The following FRY variants were observed in gnomAD, a reference collection of about 807,000 sequenced individuals.
FRY encodes the protein FRY microtubule binding protein, also known as protein furry homolog.
A neutral mutation model predicts 348.4 loss-of-function variants in FRY; 128 were observed. The ratio of observed to expected loss-of-function variants is 0.37; its 90% CI spans 0.32 to 0.43. The LOEUF (loss-of-function observed/expected upper bound fraction) is 0.43, where lower values mean the gene tolerates loss of function less well. Ranked by LOEUF, FRY falls within the 20% of genes least tolerant of loss-of-function variation. FRY has a pLI of 1.00. For missense variants in FRY, 2,736 were observed against 3,695.2 expected, an observed-to-expected ratio of 0.74 and a Z score of 6.73; for synonymous variants, 1,370 against 1,374.7, an observed-to-expected ratio of 1.00 and a Z score of 0.08.
At chr13:32,155,006 C>A (rs1881026456) in intron 14 of FRY, among the ~76,000 whole-genome samples, 1 of 152,166 alleles carries the variant, frequency 6.6e-6, no homozygotes, top group Non-Finnish European at 1.5e-5. Flanking sequence ...AACTTGCTGG[C>A]CTTTGTAAAT....
chr13:32,137,282 A>T (rs1047832603), intron 11 of FRY, among the ~76,000 whole-genome samples: 36 of 152,232 alleles, frequency 2.4e-4, no homozygotes, highest in African/African-American at 8.7e-4. Flanking sequence ...ATTTAAAAAT[A>T]GAATAAGGGC....
chr13:32,116,053 C>T (rs1485351989), intron 3 of FRY, among the ~76,000 whole-genome samples: 1 of 152,042 alleles, frequency 6.6e-6, no homozygotes, highest in Non-Finnish European at 1.5e-5. Context: ...TCTTATTAAG[C>T]ATTTACATGT....
intron 11 of FRY, among the ~76,000 whole-genome samples, chr13:32,141,011 A>G (rs1434128943): frequency 6.6e-6 from 1 of 152,152 alleles, no homozygotes; most frequent in African/African-American, 2.4e-5. Flanking sequence ...TTAATTATTA[A>G]TTTTCAAGAT....
At chr13:32,127,719 T>C (rs1388525716) in intron 7 of FRY, among the ~76,000 whole-genome samples, 5 of 151,848 alleles carry the variant, frequency 3.3e-5, no homozygotes, top group African/African-American at 9.7e-5. Context: ...GCGGAGGTTG[T>C]AGTGAGCCGA....
At chr13:32,109,995 T>A (rs1008144258) in intron 3 of FRY, among the ~76,000 whole-genome samples, 1 of 152,274 alleles carries the variant, frequency 6.6e-6, no homozygotes, top group Admixed American at 6.5e-5. Flanking sequence ...CAGCAGCTGA[T>A]GCAGGGACAT....
intron 1 of FRY, among the ~76,000 whole-genome samples, chr13:32,076,651 T>A (rs1319912598): frequency 6.6e-6 from 1 of 152,210 alleles, no homozygotes; most frequent in East Asian, 1.9e-4. Flanking sequence ...CTTATGTAGT[T>A]CCTATTCCCA....
In FRY at chr13:32,202,180, G is replaced by A. The variant is rs1171934869; in HGVS notation, c.3846+140G>A. The A allele has an allele frequency of 3.7e-6, 3 of 804,622 alleles. No homozygotes were observed. The Admixed American group carries it at 5.8e-5, about 15-fold the overall frequency. The allele number at this position is 804,622 out of a possible 1,614,324, so 49.8% of individuals were successfully genotyped here. On this transcript the variant is annotated intron_variant, in intron 30 of 60. Transcript: ENST00000542859. Reference sequence around the variant, plus strand: ...ATTTGTGGCTATGAAGAGTGAGAAAGTAACTATATAATCTTTTGTAAACAT... The same window carrying A: ...ATTTGTGGCTATGAAGAGTGAGAAAATAACTATATAATCTTTTGTAAACAT...
chr13:32,236,214 C>A (rs750448377), intron 43 of FRY, 42 bp downstream of exon 43: 8 of 1,344,626 alleles, frequency 5.9e-6, no homozygotes, highest in Non-Finnish European at 4.3e-6. Context: ...AAGTATACTG[C>A]ACAGGAGTAT....
chr13:32,286,219 A>G (rs560768161), intron 58 of FRY, among the ~76,000 whole-genome samples: 11 of 152,324 alleles, frequency 7.2e-5, no homozygotes, highest in African/African-American at 7.2e-5. Flanking sequence ...ACAATACACT[A>G]AACCGATGAT....
At position 32,184,680 on chromosome 13, in the gene FRY, A is replaced by C; in HGVS notation, c.3135A>C (p.Val1045=). ...RIFELLADAG[V]ISDSTNGALE... ...TTGAACTTTTGGCTGATGCTGGTGT[A>C]ATAAGTGACAGGTAGGATCAGAATT... Residue 1045 remains valine, a synonymous_variant, in exon 25 of 61, where the codon GTA becomes GTC. Transcript: ENST00000542859. 3 of 1,592,886 alleles carry C rather than the reference A, an allele frequency of 1.9e-6. No individual in the cohort carries two copies. The highest frequency in any genetic ancestry group is 2.6e-6 in the Non-Finnish European group (3 of 1,160,626).
At position 32,224,960 on chromosome 13, in the gene FRY, T is replaced by C. The variant is rs192176082; in HGVS notation, c.4944T>C (p.Thr1648=). Reference sequence around the variant, plus strand: ...GCAATATTGCTGTAATTTTTATGACTGAAATGGTGGTGGATCACAGTGTAC... The same window carrying C: ...GCAATATTGCTGTAATTTTTATGACCGAAATGGTGGTGGATCACAGTGTAC... ...HRCNIAVIFM[T]EMVVDHSVRE... is the part of the protein sequence containing the mutation. The change falls in exon 38 of 61, where the codon ACT becomes ACC. Residue 1648 remains threonine, a synonymous_variant. Transcript: ENST00000542859. 5.0e-5 allele frequency: 81 copies of C among 1,609,598 alleles called. No homozygotes were observed. The highest frequency in any genetic ancestry group is 1.7e-4 in the Middle Eastern group (1 of 6,058).
intron 1 of FRY, among the ~76,000 whole-genome samples, chr13:32,057,384 C>A (rs1177083696): frequency 6.6e-6 from 1 of 152,038 alleles, no homozygotes; most frequent in Non-Finnish European, 1.5e-5. Context: ...ATTAGCCAGG[C>A]TGGTCTCAAA....
chr13:32,069,188 T>C (rs939080957), intron 1 of FRY, among the ~76,000 whole-genome samples: 4 of 152,160 alleles, frequency 2.6e-5, no homozygotes, highest in Non-Finnish European at 5.9e-5. Context: ...GTGCTGGGAT[T>C]ACAGGCATGA....
chr13:32,238,349 G>A (rs1190194404), intron 44 of FRY, among the ~76,000 whole-genome samples: 3 of 151,072 alleles, frequency 2.0e-5, no homozygotes, highest in Non-Finnish European at 4.4e-5. Context: ...TTGCTTTTCT[G>A]CTTTTTGTTC....
chr13:32,294,504 A>G lies in FRY; in HGVS notation c.8717A>G (p.Gln2906Arg). The G allele has an allele frequency of 6.2e-7, 1 of 1,614,200 alleles. No homozygotes were observed. The highest frequency in any genetic ancestry group is 8.5e-7 in the Non-Finnish European group (1 of 1,180,008). The change falls in exon 60 of 61, where the codon CAG (glutamine) becomes CGG (arginine). Residue 2906 changes from glutamine to arginine, a missense_variant. This residue lies in a region of FRY where 157 missense variants were observed against 215.2 expected (regional missense o/e 0.73). Coordinates refer to ENST00000542859, the MANE Select transcript of FRY (RefSeq NM_023037.3). ...PTFTSTEAAI[Q>R]SMLECLKNNE... ...TTCACGTCCACTGAAGCAGCCATCC[A>G]GTCCATGCTGGAGTGCCTGAAGAAC... is the stretch of plus-strand genomic sequence containing the variant.
chr13:32,221,897 T>C (rs1885335031), intron 36 of FRY, among the ~76,000 whole-genome samples: 1 of 152,194 alleles, frequency 6.6e-6, no homozygotes, highest in Non-Finnish European at 1.5e-5. Flanking sequence ...GGCACCATTG[T>C]AGGTAGTAGG....
chr13:32,246,469 G>A (rs1021502232), intron 47 of FRY, among the ~76,000 whole-genome samples: 2 of 152,242 alleles, frequency 1.3e-5, no homozygotes, highest in Non-Finnish European at 2.9e-5. Context: ...CATAGCATGA[G>A]TAAAGGCACA....
chr13:32,102,062 T>C lies in FRY; in HGVS notation c.324+46T>C. 2.7e-6 allele frequency: 3 copies of C among 1,095,422 alleles called. No individual in the cohort carries two copies. In the South Asian group the frequency reaches 3.7e-5, roughly 14 times the overall value. 67.9% of individuals were successfully genotyped at this position (1,095,422 alleles called of 1,614,324 possible). On this transcript the variant is annotated intron_variant, in intron 3 of 60. Coordinates refer to ENST00000542859, the MANE Select transcript of FRY (RefSeq NM_023037.3). Reference sequence around the variant, plus strand: ...ATACTAGTTTTCCTTTATTTCAGCATTCACGCAAGGCAAGGTCTGCATGCT... The same window carrying C: ...ATACTAGTTTTCCTTTATTTCAGCACTCACGCAAGGCAAGGTCTGCATGCT...
intron 53 of FRY, among the ~76,000 whole-genome samples, chr13:32,264,881 G>A (rs975817065): frequency 6.6e-6 from 1 of 152,234 alleles, no homozygotes; most frequent in Non-Finnish European, 1.5e-5. Flanking sequence ...GATCACTCGT[G>A]CATACCACAG....
Sources: gnomAD v4.1 joint callset for allele counts (sites outside exome capture counted in the v4.1 genomes callset) on GRCh38, gnomAD v4.1.1 for gene constraint, gnomAD v4.1.1 regional missense constraint, MANE v1.5 for transcripts, NCBI Gene and HGNC (gene_info 2026-07-23, HGNC 2026-07-21) for gene names.